Variants in RPL28 observed in about 807,000 individuals in gnomAD.
RPL28 encodes the protein ribosomal protein L28.
Under a neutral mutation model 12.5 loss-of-function variants are expected in RPL28, and 4 were observed. The observed-to-expected ratio is 0.32, with a 90% CI of 0.16 to 0.73. The LOEUF (loss-of-function observed/expected upper bound fraction) is 0.73, where lower values mean the gene tolerates loss of function less well. Among genes scored for constraint, RPL28 ranks in the 30% least tolerant of loss-of-function variants. The pLI is 0.66. For missense variants in RPL28, 214 were observed against 197.7 expected (o/e 1.08, Z -0.49); for synonymous variants, 91 against 72.5 (o/e 1.26, Z -1.30).
In RPL28 at chr19:55,386,656, C is replaced by A; in HGVS notation, c.168C>A (p.Asp56Glu). Residue 56 changes from aspartate (D) to glutamate (E), a missense_variant, in exon 3 of 5, where the codon GAC becomes GAA. Physicochemically the swap from Asp to Glu is conservative, Grantham distance 45 (BLOSUM62 2). Transcript: ENST00000344063. ...CTGTGGGCGTGGAGCCGGCAGCCGA[C>A]GGCAAAGGTGTCGTGGTGGTCATTA... ...RKTVGVEPAA[D>E]GKGVVVVIKR... is the part of the protein sequence containing the mutation. 6.2e-7 allele frequency: 1 copy of A among 1,614,156 alleles called. No homozygotes were observed. Among genetic ancestry groups the A allele is most frequent in the South Asian group, 1.1e-5 (1 of 91,090 alleles).
chr19:55,391,683 G>A lies in RPL28; in HGVS notation c.*3351G>A. 2 of 1,540,364 alleles carry A rather than the reference G, an allele frequency of 1.3e-6. No homozygotes were observed. Among genetic ancestry groups the A allele is most frequent in the East Asian group, 2.5e-5 (1 of 40,644 alleles). On this transcript the variant is annotated 3_prime_UTR_variant, in exon 5 of 5. Transcript: ENST00000344063. ...GCGTGTCGATAGACCCTACTACTCAGGGTTGATGAGAAGATTAAATGTGCA... is the reference window on the plus strand; with the variant it reads ...GCGTGTCGATAGACCCTACTACTCAAGGTTGATGAGAAGATTAAATGTGCA...
chr19:55,387,936 G>A lies in RPL28; in HGVS notation c.212G>A (p.Arg71Gln), dbSNP rs565909846. ...VVVIKRRSGQ[R>Q]KPATSYVRTT... ...CTCCCTGACCCCCAACCAGGCCAGC[G>A]GAAGCCTGCCACCTCCTATGTGCGG... is the stretch of plus-strand genomic sequence containing the variant. The change falls in exon 4 of 5, where the codon CGG (arginine) becomes CAG (glutamine). Residue 71 changes from arginine (R) to glutamine (Q), a missense_variant. By Grantham distance (43) the Arg-to-Gln change is conservative. Coordinates refer to ENST00000344063, the MANE Select transcript of RPL28 (RefSeq NM_000991.5). 1.2e-5 allele frequency: 19 copies of A among 1,572,602 alleles called. No individual in the cohort carries two copies. Among genetic ancestry groups the A allele is most frequent in the South Asian group, 9.4e-5 (8 of 84,928 alleles).
chr19:55,398,069 G>A (rs774299723), intron 4 of RPL28, among the ~76,000 whole-genome samples: 2 of 152,096 alleles, frequency 1.3e-5, no homozygotes, highest in African/African-American at 2.4e-5. Flanking sequence ...GGTGGCACAC[G>A]CCTGTAATCC....
chr19:55,391,432 A>G lies in RPL28; in HGVS notation c.*3100A>G, dbSNP rs2089988876. 6.1e-6 allele frequency: 8 copies of G among 1,319,264 alleles called. No homozygotes were observed. In the African/African-American group the frequency reaches 7.5e-5, roughly 12 times the overall value. 81.7% of individuals were successfully genotyped at this position (1,319,264 alleles called of 1,614,324 possible). On this transcript the variant is annotated 3_prime_UTR_variant, in exon 5 of 5. Transcript: ENST00000344063. The stretch of plus-strand genomic sequence containing the variant: ...CTCCAGCTCTTAGTCCAGTAGCTGC[A>G]TGGTGAGTGAGCGTAGGGCGCACCC...
At chr19:55,387,528 G>A (rs1386662839) in intron 3 of RPL28, 11 of 1,434,878 alleles carry the variant, frequency 7.7e-6, no homozygotes, top group Non-Finnish European at 1.0e-5. Context: ...CCTGAGTGAG[G>A]CTGGGCCTCT....
At chr19:55,394,524 G>A (rs1305329830), downstream of RPL28, among the ~76,000 whole-genome samples, 1 of 152,078 alleles carries the variant, frequency 6.6e-6, no homozygotes, top group East Asian at 1.9e-4. Flanking sequence ...GCCTCTAAAA[G>A]TGCTGGGATT....
chr19:55,403,301 A>T, downstream of RPL28: 1 of 569,982 alleles, frequency 1.8e-6, no homozygotes, highest in Non-Finnish European at 3.1e-6. Flanking sequence ...AAAAGCCTCT[A>T]ATGAGACCCC....
At chr19:55,393,676 T>A (rs1367765386), downstream of RPL28, among the ~76,000 whole-genome samples, 1 of 141,354 alleles carries the variant, frequency 7.1e-6, no homozygotes, top group African/African-American at 2.7e-5. Flanking sequence ...TCTGTCGCCC[T>A]GGCTGGAGTG....
chr19:55,398,521 A>G (rs750977593), intron 4 of RPL28, among the ~76,000 whole-genome samples: 1 of 152,164 alleles, frequency 6.6e-6, no homozygotes, highest in Non-Finnish European at 1.5e-5. Flanking sequence ...AATGGCATCA[A>G]TCTTGGTTTA....
At position 55,391,315 on chromosome 19, in the gene RPL28, C is replaced by T. The variant is rs961463049; in HGVS notation, c.*2983C>T. ...GGGACTTGGGCAGCTCGTTTAGTAG[C>T]ACCGTGCCTCAGTTTCCCATATGTA... is the stretch of plus-strand genomic sequence containing the variant. On this transcript the variant is annotated 3_prime_UTR_variant, in exon 5 of 5. Coordinates refer to ENST00000344063, the MANE Select transcript of RPL28 (RefSeq NM_000991.5). 1 of 747,720 alleles carries T rather than the reference C, an allele frequency of 1.3e-6. No individual in the cohort carries two copies. Among genetic ancestry groups the T allele is most frequent in the Non-Finnish European group, 1.8e-6 (1 of 553,126 alleles). 46.3% of individuals were successfully genotyped at this position (747,720 alleles called of 1,614,324 possible).
intron 4 of RPL28, 26 bp downstream of exon 4, chr19:55,388,074 T>G (rs773018686): frequency 1.2e-6 from 2 of 1,613,158 alleles, no homozygotes; most frequent in Non-Finnish European, 1.7e-6. Flanking sequence ...GGGATCAGGC[T>G]TGGGGAGACT....
At position 55,389,486 on chromosome 19, in the gene RPL28, T is replaced by C. The variant is rs1017916720; in HGVS notation, c.*1154T>C. 6.8e-5 allele frequency: 67 copies of C among 985,230 alleles called. 1 individual carries two copies. In the African/African-American group the frequency reaches 1.1e-3, roughly 16 times the overall value. The allele number at this position is 985,230 out of a possible 1,614,324, so 61.0% of individuals were successfully genotyped here. A position where few individuals can be genotyped will look rare whatever the true frequency, so the allele number is the denominator to read the frequency against. ...ACCCCTGGTTCCTGCCATCCTGGGG[T>C]ACCCGATTCAAAGAAGGACTCTGCT... is the stretch of plus-strand genomic sequence containing the variant. On this transcript the variant is annotated 3_prime_UTR_variant, in exon 5 of 5. Coordinates refer to ENST00000344063, the MANE Select transcript of RPL28 (RefSeq NM_000991.5).
chr19:55,388,969 CCCGTCCT>C lies in RPL28; in HGVS notation c.*640_*646del, dbSNP rs1258694226. ...GCAGCCTTAGCATTGTCCCCCTACT[CCCGTCCT>C]CCAGGTGTCCCCATCCCTCCCCTGT... On this transcript the variant is annotated 3_prime_UTR_variant, in exon 5 of 5. Coordinates refer to ENST00000344063, the MANE Select transcript of RPL28 (RefSeq NM_000991.5). 4.1e-6 allele frequency: 4 copies of C among 985,390 alleles called. No individual in the cohort carries two copies. In the African/African-American group the frequency reaches 7.0e-5, roughly 17 times the overall value. The allele number at this position is 985,390 out of a possible 1,614,324, so 61.0% of individuals were successfully genotyped here.
At chr19:55,397,480 C>T (rs1369921249) in intron 4 of RPL28, among the ~76,000 whole-genome samples, 7 of 151,770 alleles carry the variant, frequency 4.6e-5, no homozygotes, top group African/African-American at 7.3e-5. Flanking sequence ...TCCGGGTTCA[C>T]GCCATTCTCC....
At position 55,388,426 on chromosome 19, in the gene RPL28, G is replaced by T. The variant is rs1376963492; in HGVS notation, c.*94G>T. 5 of 1,380,462 alleles carry T rather than the reference G, an allele frequency of 3.6e-6. No homozygotes were observed. The highest frequency in any genetic ancestry group is 3.8e-6 in the Non-Finnish European group (4 of 1,062,328). The allele number at this position is 1,380,462 out of a possible 1,614,324, so 85.5% of individuals were successfully genotyped here. On this transcript the variant is annotated 3_prime_UTR_variant, in exon 5 of 5. Transcript: ENST00000344063. ...AAACGCTCTGGGGAGCTCTGGCCCT[G>T]TGTGTTGTCATTCAGGCCATGTCAT...
At chr19:55,396,477 TCCCCCCTCCCCTCCC>T (rs1569045506), downstream of RPL28, among the ~76,000 whole-genome samples, 6 of 12,878 alleles carry the variant, frequency 4.7e-4, no homozygotes, top group African/African-American at 3.0e-3. Context: ...AGGAAAGTTC[TCCCCCCTCCCCTCCC>T]CACCCCTCCC....
intron 4 of RPL28, chr19:55,401,241 G>GCACC (rs1372295852): frequency 1.2e-5 from 8 of 673,212 alleles, no homozygotes; most frequent in African/African-American, 1.8e-5. Context: ...GAGCCACATG[G>GCACC]CACCATGCAG....
chr19:55,397,443 G>A lies in RPL28; in HGVS notation c.325-5500G>A, dbSNP rs1250310811. 3.9e-5 allele frequency among the ~76,000 whole-genome samples: 6 copies of A among 152,002 alleles called. No individual in the cohort carries two copies. In the East Asian group the frequency reaches 9.7e-4, roughly 25 times the overall value. On this transcript the variant is annotated intron_variant, in intron 4 of 4. Transcript: ENST00000560055. ...CTCCCAGGCTGGAGTGCAGTGGCGCGATCTCGGCTCACTGCAAGCTCCGCC... is the reference window on the plus strand; with the variant it reads ...CTCCCAGGCTGGAGTGCAGTGGCGCAATCTCGGCTCACTGCAAGCTCCGCC...
chr19:55,398,101 C>T (rs1296513127), intron 4 of RPL28, among the ~76,000 whole-genome samples: 1 of 152,166 alleles, frequency 6.6e-6, no homozygotes, highest in African/African-American at 2.4e-5. Context: ...GAGTCTGAGG[C>T]ATGAAATCGC....
Sources: allele counts gnomAD v4.1 joint callset (sites outside exome capture counted in the v4.1 genomes callset), GRCh38; gene constraint gnomAD v4.1.1; transcripts MANE v1.5; gene names NCBI Gene and HGNC (gene_info 2026-07-23, HGNC 2026-07-21).